The following RGS12 variants were observed in gnomAD, a reference collection of about 807,000 sequenced individuals.
RGS12 encodes the protein regulator of G protein signaling 12.
Under a neutral mutation model 120.1 loss-of-function variants are expected in RGS12, and 66 were observed. The ratio of observed to expected loss-of-function variants is 0.55; its 90% CI spans 0.45 to 0.67. The LOEUF (loss-of-function observed/expected upper bound fraction) is 0.67, where lower values mean the gene tolerates loss of function less well. RGS12 is among the 30% of genes least tolerant of loss of function. RGS12 has a pLI of 0.00. For missense variants in RGS12, 1,859 were observed against 1,957.7 expected (o/e 0.95, Z 0.95); for synonymous variants, 827 against 804.7 (o/e 1.03, Z -0.47).
chr4:3,377,492 A>G (rs931634205), intron 3 of RGS12, among the ~76,000 whole-genome samples: 2 of 152,194 alleles, frequency 1.3e-5, no homozygotes, highest in Non-Finnish European at 2.9e-5. Context: ...TGGTGATTGA[A>G]TAGTTTTTAT....
upstream of RGS12, among the ~76,000 whole-genome samples, chr4:3,290,684 G>A (rs564718881): frequency 3.9e-5 from 6 of 152,350 alleles, no homozygotes; most frequent in African/African-American, 7.2e-5. Context: ...TGGCAGGCAC[G>A]GAAGAGCAGG....
chr4:3,430,541 C>G lies in RGS12; in HGVS notation c.3700C>G (p.Pro1234Ala), dbSNP rs1299544137. ...TTCCACAGAACTCACCCTCCCCACT[C>G]CAGCTGCTGTGGCCAAGGGCTTTAG... ...PGSTELTLPTPAAVAKGFSKR... is the reference protein window; with the variant it reads ...PGSTELTLPTAAAVAKGFSKR... Residue 1234 changes from proline to alanine, a missense_variant, in exon 17 of 18, where the codon CCA becomes GCA. Physicochemically the swap from Pro to Ala is conservative, Grantham distance 27. This residue lies in a region of RGS12 where 517 missense variants were observed against 488.5 expected (regional missense o/e 1.06). Coordinates refer to ENST00000336727, the MANE Select transcript of RGS12 (RefSeq NM_001394154.1). 1 of 1,613,390 alleles carries G rather than the reference C, an allele frequency of 6.2e-7. No individual in the cohort carries two copies. Among genetic ancestry groups the G allele is most frequent in the Non-Finnish European group, 8.5e-7 (1 of 1,180,024 alleles).
chr4:3,319,572 G>T (rs987562583), intron 2 of RGS12, among the ~76,000 whole-genome samples: 1 of 152,054 alleles, frequency 6.6e-6, no homozygotes, highest in Non-Finnish European at 1.5e-5. Context: ...GGACTACTGA[G>T]TAGCTGGGAC....
intron 3 of RGS12, chr4:3,370,013 A>G: frequency 8.0e-7 from 1 of 1,248,678 alleles, no homozygotes; most frequent in East Asian, 3.1e-5. Flanking sequence ...CTGATTTGGT[A>G]GAGGAAATAG....
intron 1 of RGS12, among the ~76,000 whole-genome samples, chr4:3,301,872 A>C (rs1213448408): frequency 6.6e-6 from 1 of 152,166 alleles, no homozygotes; most frequent in Non-Finnish European, 1.5e-5. Flanking sequence ...GCCAGGTTTA[A>C]ACACAGCCTC....
At chr4:3,327,278 A>G (rs1725611149) in intron 2 of RGS12, among the ~76,000 whole-genome samples, 1 of 152,192 alleles carries the variant, frequency 6.6e-6, no homozygotes, top group Non-Finnish European at 1.5e-5. Flanking sequence ...ATCTCTCACC[A>G]TACACAAAAT....
At position 3,389,398 on chromosome 4, in the gene RGS12, T is replaced by C. The variant is rs1166327058; in HGVS notation, c.2020+2961T>C. On this transcript the variant is annotated intron_variant, in intron 4 of 17. Coordinates refer to ENST00000336727, the MANE Select transcript of RGS12 (RefSeq NM_001394154.1). The surrounding 1 kb of genome is among the most constrained non-coding windows in gnomAD (Gnocchi z 5.2). Reference sequence around the variant, plus strand: ...CTTAGCAGGGGAATGGTCTGCCTTGTGGGAAGTTATTCAGACAGAAGTGTG... The same window carrying C: ...CTTAGCAGGGGAATGGTCTGCCTTGCGGGAAGTTATTCAGACAGAAGTGTG... 1.3e-5 allele frequency among the ~76,000 whole-genome samples: 2 copies of C among 152,002 alleles called. No homozygotes were observed. Among genetic ancestry groups the C allele is most frequent in the African/African-American group, 4.8e-5 (2 of 41,368 alleles).
intron 17 of RGS12, chr4:3,431,990 C>T (rs1724353590): frequency 2.0e-5 from 20 of 985,324 alleles, no homozygotes; most frequent in Non-Finnish European, 2.2e-5. Context: ...TACCTGGTCC[C>T]TTTCACAGCC....
Position 3,423,511 on chromosome 4 carries a change from C to G in RGS12, c.3108-4C>G, listed in dbSNP as rs1422124902. ...TGGTAGTGAATTTTTTCATCCCCCA[C>G]CAGGCTGGATCTTGTTCCGATTAAC... On this transcript the variant is annotated splice_polypyrimidine_tract_variant and splice_region_variant and intron_variant, in intron 12 of 17. Transcript: ENST00000336727. 1 of 1,612,872 alleles carries G rather than the reference C, an allele frequency of 6.2e-7. No homozygotes were observed. Among genetic ancestry groups the G allele is most frequent in the African/African-American group, 1.3e-5 (1 of 74,928 alleles).
At chr4:3,310,261 C>CTG (rs1724299933) in intron 1 of RGS12, among the ~76,000 whole-genome samples, 1 of 124,784 alleles carries the variant, frequency 8.0e-6, no homozygotes, top group Non-Finnish European at 1.8e-5. Flanking sequence ...TGGCAGGTGT[C>CTG]CTCTGAGGGG....
the RGS12 span, among the ~76,000 whole-genome samples, chr4:3,286,263 C>T: frequency 1.3e-4 from 20 of 152,312 alleles, no homozygotes; most frequent in East Asian, 3.5e-3. Context: ...TGCCCCAGGC[C>T]GCGTGTGGTT....
chr4:3,301,582 C>T (rs988911282), intron 1 of RGS12, among the ~76,000 whole-genome samples: 5 of 143,778 alleles, frequency 3.5e-5, no homozygotes, highest in South Asian at 2.3e-4. Flanking sequence ...AGAGTGAGGC[C>T]GGGGTCCGAG....
At chr4:3,409,208 A>G (rs1721473035) in intron 4 of RGS12, among the ~76,000 whole-genome samples, 1 of 152,128 alleles carries the variant, frequency 6.6e-6, no homozygotes. Context: ...TTTCCTGTAC[A>G]CAGCATCTGC....
In RGS12 at chr4:3,433,123, G is replaced by A. The variant is rs536844670; in HGVS notation, c.4114+2168G>A. On this transcript the variant is annotated intron_variant, in intron 17 of 17. Coordinates refer to ENST00000336727, the MANE Select transcript of RGS12 (RefSeq NM_001394154.1). The surrounding 1 kb of genome is among the most constrained non-coding windows in gnomAD (Gnocchi z 4.4). ...GGAACCTCTTTCACATCTGTGGGCC[G>A]GGGCGAGCCTGGACTGAGTGCTGAC... Among the ~76,000 whole-genome samples, 18 of 152,350 alleles carry A rather than the reference G, an allele frequency of 1.2e-4. No individual in the cohort carries two copies. Among genetic ancestry groups the A allele is most frequent in the African/African-American group, 3.8e-4 (16 of 41,582 alleles).
intron 1 of RGS12, among the ~76,000 whole-genome samples, chr4:3,305,270 C>T (rs1177619310): frequency 6.6e-6 from 1 of 152,158 alleles, no homozygotes; most frequent in Non-Finnish European, 1.5e-5. Flanking sequence ...GTCGCTAGGT[C>T]CAGCCTACAC....
chr4:3,402,256 CATTT>C (rs1289808685), intron 4 of RGS12, among the ~76,000 whole-genome samples: 2 of 152,136 alleles, frequency 1.3e-5, no homozygotes, highest in Admixed American at 6.5e-5. Context: ...CAGCAAATAC[CATTT>C]ATATGGCCAC....
chr4:3,431,289 A>G (rs145692838), intron 17 of RGS12: 5 of 1,161,018 alleles, frequency 4.3e-6, no homozygotes, highest in Non-Finnish European at 5.3e-6. Context: ...AAATGGAGGC[A>G]TTCCTTTCCA....
At chr4:3,370,007 T>A (rs1716799947) in intron 3 of RGS12, 1 of 1,238,974 alleles carries the variant, frequency 8.1e-7, no homozygotes. Flanking sequence ...ATTCTTCTGA[T>A]TTGGTAGAGG....
At position 3,293,686 on chromosome 4, in the gene RGS12, G is replaced by A. The variant is rs1723185906; in HGVS notation, c.-102+587G>A. Among the ~76,000 whole-genome samples the A allele has an allele frequency of 3.9e-5, 6 of 151,984 alleles. No individual in the cohort carries two copies. The South Asian group carries it at 1.3e-3, about 32-fold the overall frequency. ...GGCCCAAAGCTGTGGAATGGGGACA[G>A]AGAGGGGACCCAGAGCTGTGGAGTG... On this transcript the variant is annotated intron_variant, in intron 1 of 17. Transcript: ENST00000336727.
Sources: allele counts gnomAD v4.1 joint callset (sites outside exome capture counted in the v4.1 genomes callset), GRCh38; gene constraint gnomAD v4.1.1; regional missense constraint gnomAD v4.1.1; non-coding constraint Gnocchi (gnomAD v3.1); transcripts MANE v1.5; gene names NCBI Gene and HGNC (gene_info 2026-07-23, HGNC 2026-07-21).